The following SLIT2 variants were observed in gnomAD, a reference collection of about 807,000 sequenced individuals.
The protein encoded by SLIT2 is slit homolog 2 protein.
In SLIT2, 41 loss-of-function variants were observed where a neutral mutation model predicts 185.7. The ratio of observed to expected loss-of-function variants is 0.22; its 90% CI spans 0.17 to 0.29. The LOEUF (loss-of-function observed/expected upper bound fraction) is 0.29, where lower values mean the gene tolerates loss of function less well. Ranked by LOEUF, SLIT2 falls within the 10% of genes least tolerant of loss-of-function variation. The probability of loss-of-function intolerance (pLI) is 1.00; values close to 1 mark genes in which losing one functional copy is unlikely to be tolerated. For missense variants in SLIT2, 1,571 were observed against 1,909.0 expected, an observed-to-expected ratio of 0.82 and a Z score of 3.30; for synonymous variants, 693 against 680.2, an observed-to-expected ratio of 1.02 and a Z score of -0.29.
At chr4:20,281,016 A>G (rs534489266) in intron 4 of SLIT2, among the ~76,000 whole-genome samples, 4 of 152,158 alleles carry the variant, frequency 2.6e-5, no homozygotes, top group African/African-American at 9.6e-5. Flanking sequence ...TGTTTTTAGT[A>G]GAGATGGGGT....
chr4:20,417,906 C>T (rs989359839), intron 4 of SLIT2, among the ~76,000 whole-genome samples: 3 of 152,156 alleles, frequency 2.0e-5, no homozygotes, highest in African/African-American at 4.8e-5. Context: ...TATAATCACT[C>T]ACATCCTAAA....
chr4:20,419,272 T>A (rs1727965508), intron 4 of SLIT2, among the ~76,000 whole-genome samples: 1 of 152,202 alleles, frequency 6.6e-6, no homozygotes, highest in Non-Finnish European at 1.5e-5. Flanking sequence ...ATTTCATATC[T>A]TATAATTTTT....
At chr4:20,571,898 CAA>C (rs754061378) in intron 29 of SLIT2, among the ~76,000 whole-genome samples, 29 of 152,096 alleles carry the variant, frequency 1.9e-4, no homozygotes, top group Non-Finnish European at 2.1e-4. Flanking sequence ...ACACCTATGT[CAA>C]GAGTCAGAAC....
chr4:20,318,668 G>T, intron 4 of SLIT2, among the ~76,000 whole-genome samples: 1 of 151,806 alleles, frequency 6.6e-6, no homozygotes, highest in East Asian at 1.9e-4. Context: ...CAGGCTACTT[G>T]GATAATAGCT....
At chr4:20,605,636 G>A (rs1004486986) in intron 33 of SLIT2, among the ~76,000 whole-genome samples, 2 of 152,072 alleles carry the variant, frequency 1.3e-5, no homozygotes, top group Non-Finnish European at 2.9e-5. Context: ...ACTGAAAAGT[G>A]GATTATGGCT....
At chr4:20,264,388 G>GCAC (rs972481651) in intron 3 of SLIT2, among the ~76,000 whole-genome samples, 3 of 151,702 alleles carry the variant, frequency 2.0e-5, no homozygotes, top group African/African-American at 7.3e-5. Context: ...TACAGACCTA[G>GCAC]CACGCTGCTA....
chr4:20,579,859 T>C (rs1214424336), intron 29 of SLIT2, among the ~76,000 whole-genome samples: 4 of 151,166 alleles, frequency 2.6e-5, no homozygotes, highest in Non-Finnish European at 4.4e-5. Context: ...AGTTAAGAAA[T>C]TTCAACAATG....
chr4:20,354,428 GA>G (rs1454428970), intron 4 of SLIT2, among the ~76,000 whole-genome samples: 2 of 152,148 alleles, frequency 1.3e-5, no homozygotes, highest in African/African-American at 4.8e-5. Flanking sequence ...GACACAATTT[GA>G]CAGTCCTAAT....
chr4:20,301,784 G>C (rs1382536717), intron 4 of SLIT2, among the ~76,000 whole-genome samples: 1 of 152,164 alleles, frequency 6.6e-6, no homozygotes, highest in East Asian at 1.9e-4. Flanking sequence ...GAGAAAAGTT[G>C]TCTTGACAAC....
chr4:20,594,931 A>G (rs1727853218), intron 30 of SLIT2, among the ~76,000 whole-genome samples: 1 of 152,176 alleles, frequency 6.6e-6, no homozygotes, highest in African/African-American at 2.4e-5. Flanking sequence ...GAGAGGATTC[A>G]GTGAATCCAT....
intron 33 of SLIT2, among the ~76,000 whole-genome samples, chr4:20,609,642 C>T (rs1162122182): frequency 6.6e-6 from 1 of 152,018 alleles, no homozygotes; most frequent in African/African-American, 2.4e-5. Context: ...CTTGTCTTTT[C>T]GTACAATTTG....
chr4:20,355,425 T>A (rs1722237948), intron 4 of SLIT2, among the ~76,000 whole-genome samples: 1 of 152,196 alleles, frequency 6.6e-6, no homozygotes, highest in African/African-American at 2.4e-5. Context: ...AAAAAAAACA[T>A]GTTTAATTAT....
At chr4:20,403,827 T>C (rs1312108770) in intron 4 of SLIT2, among the ~76,000 whole-genome samples, 1 of 151,654 alleles carries the variant, frequency 6.6e-6, no homozygotes, top group Non-Finnish European at 1.5e-5. Context: ...GGTAGAGCAG[T>C]TTTCTGTTTT....
At position 20,442,438 on chromosome 4, in the gene SLIT2, G is replaced by C. The variant is rs575155091; in HGVS notation, c.396-25314G>C. ...ACTTGGGAAGCTGAGGCGGGAGAAT[G>C]GTGTGAGCCCAGGAGGCGGAGCTTG... On this transcript the variant is annotated intron_variant, in intron 4 of 36. Coordinates refer to ENST00000504154, the MANE Select transcript of SLIT2 (RefSeq NM_004787.4). Among the ~76,000 whole-genome samples, 8 of 150,632 alleles carry C rather than the reference G, an allele frequency of 5.3e-5. No homozygotes were observed. In the South Asian group the frequency reaches 1.7e-3, roughly 32 times the overall value.
intron 36 of SLIT2, among the ~76,000 whole-genome samples, chr4:20,618,206 C>T (rs896516972): frequency 1.3e-5 from 2 of 152,150 alleles, no homozygotes; most frequent in Admixed American, 6.5e-5. Flanking sequence ...GATCAGAGCT[C>T]GCCTGGCCTC....
chr4:20,518,236 T>C lies in SLIT2; in HGVS notation c.1059-1146T>C, dbSNP rs1209254112. Among the ~76,000 whole-genome samples, 7 of 94,452 alleles carry C rather than the reference T, an allele frequency of 7.4e-5. No homozygotes were observed. In the East Asian group the frequency reaches 2.4e-3, roughly 32 times the overall value. 62.0% of individuals were successfully genotyped at this position (94,452 alleles called of 152,430 possible). A position where few individuals can be genotyped will look rare whatever the true frequency, so the allele number is the denominator to read the frequency against. On this transcript the variant is annotated intron_variant, in intron 11 of 36. Transcript: ENST00000504154. ...ATATATATATACATATATATGTGTG[T>C]GTGTATATATATATATATATTTTTT...
intron 3 of SLIT2, among the ~76,000 whole-genome samples, chr4:20,268,293 C>T (rs984023986): frequency 6.6e-6 from 1 of 151,322 alleles, no homozygotes; most frequent in Admixed American, 6.6e-5. Flanking sequence ...TTGGTATTCT[C>T]CTGATTTTGC....
rs1022631450 is a variant in SLIT2 at position 20,251,994 on chromosome 4, G to A, written c.-1822G>A. 2.6e-5 allele frequency among the ~76,000 whole-genome samples: 4 copies of A among 151,676 alleles called. No homozygotes were observed. Among genetic ancestry groups the A allele is most frequent in the Middle Eastern group, 3.4e-3 (1 of 292 alleles). ...TGCCGCAGACTGTGGTTAAAAAAAA[G>A]AAGGCGGCGGCGGCGGCGGCGGCGG... On this transcript the variant is annotated 5_prime_UTR_variant, in exon 1 of 37. Transcript: ENST00000504154.
At chr4:20,558,644 C>T (rs576473079) in intron 26 of SLIT2, among the ~76,000 whole-genome samples, 11 of 152,120 alleles carry the variant, frequency 7.2e-5, no homozygotes, top group South Asian at 4.1e-4. Flanking sequence ...TTCATACCTA[C>T]GTACATCTTT....
Sources: gnomAD v4.1 joint callset for allele counts (sites outside exome capture counted in the v4.1 genomes callset) on GRCh38, gnomAD v4.1.1 for gene constraint, MANE v1.5 for transcripts, NCBI Gene and HGNC (gene_info 2026-07-23, HGNC 2026-07-21) for gene names.